SLC23A2: variants seen among roughly 807,000 people sequenced by gnomAD.
The protein encoded by SLC23A2 is Na(+)/L-ascorbic acid transporter 2.
SLC23A2 carries 36 observed loss-of-function variants against 73.3 expected under a neutral mutation model. That is an observed-to-expected ratio of 0.49 (90% confidence interval 0.38 to 0.65). The LOEUF (loss-of-function observed/expected upper bound fraction) is 0.65, where lower values mean the gene tolerates loss of function less well. Among genes scored for constraint, SLC23A2 ranks in the 30% least tolerant of loss-of-function variants. The pLI, the probability that SLC23A2 is intolerant of heterozygous loss-of-function variation, is 0.00. For missense variants in SLC23A2, 507 were observed against 841.6 expected (o/e 0.60, Z 4.92); for synonymous variants, 343 against 327.3 (o/e 1.05, Z -0.52).
intron 2 of SLC23A2, among the ~76,000 whole-genome samples, chr20:4,933,317 G>A (rs562969922): frequency 2.6e-4 from 40 of 152,096 alleles, no homozygotes; most frequent in African/African-American, 8.9e-4. Context: ...GTAAAAAGAG[G>A]AGGTTGCCAG....
At chr20:4,999,792 AC>A (rs1404992316) in intron 1 of SLC23A2, among the ~76,000 whole-genome samples, 3 of 152,244 alleles carry the variant, frequency 2.0e-5, no homozygotes, top group Non-Finnish European at 4.4e-5. Flanking sequence ...CTGCCAGACA[AC>A]CATCTAAAAT....
At chr20:4,887,027 G>A (rs1600100931) in intron 6 of SLC23A2, among the ~76,000 whole-genome samples, 1 of 152,338 alleles carries the variant, frequency 6.6e-6, no homozygotes, top group Middle Eastern at 3.4e-3. Context: ...GTGAGGTCAA[G>A]ACTTCCTTGT....
At chr20:4,891,076 T>A (rs7265456) in intron 6 of SLC23A2, among the ~76,000 whole-genome samples, 2,053 of 151,928 alleles carry the variant, frequency 0.014, 54 homozygotes, top group African/African-American at 0.047. Context: ...CCTTATTTGG[T>A]GATAAGTACT....
rs1222188516 is a variant in SLC23A2 at position 4,883,119 on chromosome 20, T to C, written c.824+523A>G. Among the ~76,000 whole-genome samples the C allele has an allele frequency of 6.6e-6, 1 of 152,184 alleles. No homozygotes were observed. The highest frequency in any genetic ancestry group is 1.5e-5 in the Non-Finnish European group (1 of 68,032). ...TCTGTACAAAAGGACAGGCACTGAC[T>C]AGCAGGACCCTGGCAGAAACTATGT... is the stretch of plus-strand genomic sequence containing the variant. On this transcript the variant is annotated intron_variant, in intron 9 of 16. Transcript: ENST00000338244. The surrounding 1 kb of genome is among the most constrained non-coding windows in gnomAD (Gnocchi z 4.5).
At position 4,872,654 on chromosome 20, in the gene SLC23A2, C is replaced by T. The variant is rs904113010; in HGVS notation, c.1102+1282G>A. 6.6e-6 allele frequency among the ~76,000 whole-genome samples: 1 copy of T among 152,210 alleles called. No homozygotes were observed. Among genetic ancestry groups the T allele is most frequent in the Non-Finnish European group, 1.5e-5 (1 of 68,038 alleles). ...TGTAATTTCATTTTATCTCAGACTA[C>T]AGGTATGTTTATGAACCATGCACAT... is the stretch of plus-strand genomic sequence containing the variant. On this transcript the variant is annotated intron_variant, in intron 11 of 16. Transcript: ENST00000338244. The surrounding 1 kb of genome is among the most constrained non-coding windows in gnomAD (Gnocchi z 4.4).
Position 4,857,285 on chromosome 20 carries a change from C to CAT in SLC23A2, c.1721-82_1721-81insAT, listed in dbSNP as rs1929755171. 1.3e-4 allele frequency: 6 copies of CAT among 46,328 alleles called. No homozygotes were observed. Among genetic ancestry groups the CAT allele is most frequent in the East Asian group, 1.1e-3 (6 of 5,374 alleles). 2.9% of individuals were successfully genotyped at this position (46,328 alleles called of 1,614,324 possible). A position where few individuals can be genotyped will look rare whatever the true frequency, so the allele number is the denominator to read the frequency against. On this transcript the variant is annotated intron_variant, in intron 16 of 16. Coordinates refer to ENST00000338244, the MANE Select transcript of SLC23A2 (RefSeq NM_005116.6). The surrounding 1 kb of genome is among the most constrained non-coding windows in gnomAD (Gnocchi z 4.0). ...AAATGAAACTGTCGTCAAACACATACACACACACACACACACACACACACA... is the reference window on the plus strand; with the variant it reads ...AAATGAAACTGTCGTCAAACACATACATACACACACACACACACACACACACA...
chr20:4,866,885 G>A (rs1366665720), intron 13 of SLC23A2, among the ~76,000 whole-genome samples: 1 of 151,984 alleles, frequency 6.6e-6, no homozygotes, highest in African/African-American at 2.4e-5. Flanking sequence ...TGAGACGTAG[G>A]CCATCGAGGA....
chr20:4,991,287 T>G (rs891350270), intron 1 of SLC23A2, among the ~76,000 whole-genome samples: 2 of 151,884 alleles, frequency 1.3e-5, no homozygotes, highest in Non-Finnish European at 2.9e-5. Flanking sequence ...CTTTAAAAAT[T>G]TTTGCAGACA....
chr20:4,987,196 C>G (rs1259089879), intron 1 of SLC23A2, among the ~76,000 whole-genome samples: 2 of 152,186 alleles, frequency 1.3e-5, no homozygotes, highest in East Asian at 3.9e-4. Flanking sequence ...GGAACAAAAT[C>G]GATATTGCTA....
At chr20:4,895,465 T>C (rs576763993) in intron 6 of SLC23A2, among the ~76,000 whole-genome samples, 1 of 152,332 alleles carries the variant, frequency 6.6e-6, no homozygotes, top group African/African-American at 2.4e-5. Flanking sequence ...GTCTAAAATA[T>C]GAGTTCACAT....
At chr20:4,952,670 C>A (rs1437665027) in intron 2 of SLC23A2, among the ~76,000 whole-genome samples, 3 of 152,140 alleles carry the variant, frequency 2.0e-5, no homozygotes, top group Non-Finnish European at 2.9e-5. Flanking sequence ...TGAGTGTAAA[C>A]CTGGTTATAA....
intron 1 of SLC23A2, among the ~76,000 whole-genome samples, chr20:4,971,486 T>C (rs1455873647): frequency 6.6e-6 from 1 of 150,836 alleles, no homozygotes; most frequent in Admixed American, 6.6e-5. Context: ...GTCTCAAAAA[T>C]AAATAAATAA....
chr20:4,948,596 C>T (rs888401189), intron 2 of SLC23A2, among the ~76,000 whole-genome samples: 13 of 152,230 alleles, frequency 8.5e-5, no homozygotes, highest in African/African-American at 2.9e-4. Context: ...GGCTGGGACA[C>T]TAATTCTTCC....
chr20:4,963,952 C>T (rs906219803), intron 2 of SLC23A2, among the ~76,000 whole-genome samples: 2 of 151,872 alleles, frequency 1.3e-5, no homozygotes, highest in Admixed American at 6.6e-5. Context: ...TTTAACATCC[C>T]GTTAACATGC....
intron 3 of SLC23A2, among the ~76,000 whole-genome samples, chr20:4,925,016 CA>C (rs879292300): frequency 4.3e-4 from 59 of 138,434 alleles, no homozygotes; most frequent in Admixed American, 5.9e-4. Flanking sequence ...CTTGTCTCTA[CA>C]AAAAAAAAAA....
At chr20:4,864,829 C>G (rs557630520) in intron 13 of SLC23A2, among the ~76,000 whole-genome samples, 1 of 152,284 alleles carries the variant, frequency 6.6e-6, no homozygotes, top group African/African-American at 2.4e-5. Flanking sequence ...GCAGAGGAAA[C>G]AGCCTATGCA....
At chr20:4,957,799 G>A (rs1037442479) in intron 2 of SLC23A2, among the ~76,000 whole-genome samples, 1 of 151,444 alleles carries the variant, frequency 6.6e-6, no homozygotes, top group African/African-American at 2.4e-5. Flanking sequence ...TACTCGGGAG[G>A]CTGAGGCAGG....
intron 6 of SLC23A2, among the ~76,000 whole-genome samples, chr20:4,896,133 G>A (rs777535166): frequency 1.3e-5 from 2 of 152,128 alleles, no homozygotes; most frequent in African/African-American, 4.8e-5. Flanking sequence ...GGAGACACAC[G>A]AACATGGGGT....
At chr20:4,955,145 G>A (rs1203785186) in intron 2 of SLC23A2, among the ~76,000 whole-genome samples, 19 of 151,916 alleles carry the variant, frequency 1.3e-4, no homozygotes, top group Admixed American at 1.2e-3. Flanking sequence ...CCCAGCTACT[G>A]GGAAGGCTGA....
Sources: allele counts gnomAD v4.1 joint callset (sites outside exome capture counted in the v4.1 genomes callset), GRCh38; gene constraint gnomAD v4.1.1; non-coding constraint Gnocchi (gnomAD v3.1); transcripts MANE v1.5; gene names NCBI Gene and HGNC (gene_info 2026-07-23, HGNC 2026-07-21).